Variants in HDAC9 observed in about 807,000 individuals in gnomAD.
HDAC9 encodes histone deacetylase 9, also known as MEF-2 interacting transcription repressor (MITR) protein.
HDAC9 carries 41 observed loss-of-function variants against 139.4 expected under a neutral mutation model. The ratio of observed to expected loss-of-function variants is 0.29; its 90% CI spans 0.23 to 0.38. The LOEUF (loss-of-function observed/expected upper bound fraction) is 0.38, where lower values mean the gene tolerates loss of function less well. Ranked by LOEUF, HDAC9 falls within the 10% of genes least tolerant of loss-of-function variation. The pLI, the probability that HDAC9 is intolerant of heterozygous loss-of-function variation, is 1.00. For synonymous variants in HDAC9, 517 were observed against 476.2 expected, an observed-to-expected ratio of 1.09 and a Z score of -1.12; for missense variants, 1,147 against 1,297.0, an observed-to-expected ratio of 0.88 and a Z score of 1.78.
chr7:18,354,432 C>T (rs1322255879), intron 1 of HDAC9, among the ~76,000 whole-genome samples: 5 of 152,210 alleles, frequency 3.3e-5, no homozygotes, highest in African/African-American at 7.2e-5. Flanking sequence ...CTCTGCTCTA[C>T]GGTGCTTGAA....
chr7:18,987,029 T>G (rs1010031019), intron 25 of HDAC9, among the ~76,000 whole-genome samples: 51 of 152,222 alleles, frequency 3.4e-4, no homozygotes, highest in African/African-American at 1.1e-3. Context: ...ACAATTTGAC[T>G]TCCTCTTTTC....
intron 6 of HDAC9, among the ~76,000 whole-genome samples, chr7:18,598,501 C>T (rs1267816362): frequency 6.6e-6 from 1 of 152,102 alleles, no homozygotes; most frequent in Non-Finnish European, 1.5e-5. Context: ...ATTAATTTAA[C>T]CTCTCTAGGC....
At chr7:18,919,252 A>C (rs1178700751) in intron 22 of HDAC9, among the ~76,000 whole-genome samples, 10 of 152,098 alleles carry the variant, frequency 6.6e-5, no homozygotes, top group African/African-American at 2.4e-4. Context: ...TATTTTTGGA[A>C]GGTTTTCTTC....
chr7:18,892,667 G>T (rs1317233914), intron 22 of HDAC9: 1 of 151,996 alleles, frequency 6.6e-6, no homozygotes, highest in African/African-American at 2.4e-5. Flanking sequence ...AGGTAAATTT[G>T]GTTCCTCGTG....
intron 12 of HDAC9, among the ~76,000 whole-genome samples, chr7:18,709,767 C>T (rs1170686796): frequency 6.6e-6 from 1 of 152,136 alleles, no homozygotes; most frequent in Non-Finnish European, 1.5e-5. Context: ...GTTGTCCTGG[C>T]CTCAAGCAAT....
chr7:18,312,105 A>G (rs937229468), intron 1 of HDAC9, among the ~76,000 whole-genome samples: 1 of 152,228 alleles, frequency 6.6e-6, no homozygotes, highest in Admixed American at 6.5e-5. Context: ...GCATACAGTT[A>G]GAGGTGCAGG....
intron 2 of HDAC9, among the ~76,000 whole-genome samples, chr7:18,233,197 G>T (rs1161174824): frequency 6.6e-6 from 1 of 152,036 alleles, no homozygotes; most frequent in Non-Finnish European, 1.5e-5. Context: ...GGCTTTTCCT[G>T]CAGTGAAACA....
At chr7:18,133,650 C>A (rs1264978995) in intron 1 of HDAC9, among the ~76,000 whole-genome samples, 2 of 152,014 alleles carry the variant, frequency 1.3e-5, no homozygotes, top group African/African-American at 4.8e-5. Flanking sequence ...ACTTAATGGG[C>A]TCGAGTTTTG....
At chr7:18,991,782 A>G (rs1563114612) in intron 25 of HDAC9, among the ~76,000 whole-genome samples, 1 of 152,258 alleles carries the variant, frequency 6.6e-6, no homozygotes, top group Non-Finnish European at 1.5e-5. Flanking sequence ...CTGATTAGTT[A>G]TCAAATAAAT....
At chr7:18,094,497 C>A (rs1239359662) in intron 1 of HDAC9, among the ~76,000 whole-genome samples, 1 of 149,018 alleles carries the variant, frequency 6.7e-6, no homozygotes, top group Admixed American at 6.7e-5. Context: ...CTGGTGTGAT[C>A]ACAGCTCAGT....
intron 22 of HDAC9, among the ~76,000 whole-genome samples, chr7:18,890,242 TG>T (rs1223351959): frequency 6.6e-6 from 1 of 152,262 alleles, no homozygotes; most frequent in Non-Finnish European, 1.5e-5. Flanking sequence ...ACATCTTTAA[TG>T]CCTGCATAGC....
intron 6 of HDAC9, among the ~76,000 whole-genome samples, chr7:18,596,339 C>G (rs1832490577): frequency 1.3e-5 from 2 of 152,162 alleles, no homozygotes; most frequent in Middle Eastern, 3.4e-3. Context: ...TATACTCTAT[C>G]TAAAATACTT....
At chr7:18,583,278 G>A (rs963313617) in intron 2 of HDAC9, among the ~76,000 whole-genome samples, 4 of 152,138 alleles carry the variant, frequency 2.6e-5, no homozygotes, top group South Asian at 2.1e-4. Context: ...TCCAAGTTAC[G>A]GATGAGGGAA....
Position 18,638,350 on chromosome 7 carries a change from G to A in HDAC9, c.912+3608G>A, listed in dbSNP as rs146295393. Among the ~76,000 whole-genome samples, 273 of 152,138 alleles carry A rather than the reference G, an allele frequency of 1.8e-3. 2 individuals are homozygous for A. Among genetic ancestry groups the A allele is most frequent in the African/African-American group, 6.2e-3 (257 of 41,530 alleles). On this transcript the variant is annotated intron_variant, in intron 8 of 25. Transcript: ENST00000686413. ...AAATTTTCTATCTTGTAATTCACAT[G>A]TCCTGCCTAATTTAGATAAAGGGAA...
intron 1 of HDAC9, among the ~76,000 whole-genome samples, chr7:18,323,216 C>G (rs1800163017): frequency 1.3e-5 from 2 of 152,102 alleles, no homozygotes; most frequent in Admixed American, 1.3e-4. Flanking sequence ...CACTGATTTC[C>G]AGTTCTTTCT....
chr7:18,738,099 T>C (rs2129139608), intron 13 of HDAC9, among the ~76,000 whole-genome samples: 1 of 152,318 alleles, frequency 6.6e-6, no homozygotes, highest in East Asian at 1.9e-4. Context: ...TTTTTTTGCT[T>C]TCCATTTGCT....
chr7:18,469,631 T>C (rs1159920957), intron 1 of HDAC9, among the ~76,000 whole-genome samples: 1 of 152,196 alleles, frequency 6.6e-6, no homozygotes, highest in African/African-American at 2.4e-5. Flanking sequence ...TAGGACCTCA[T>C]GCAAGAACAC....
chr7:18,380,446 C>T (rs1030899788), intron 1 of HDAC9, among the ~76,000 whole-genome samples: 1 of 152,122 alleles, frequency 6.6e-6, no homozygotes, highest in Admixed American at 6.6e-5. Context: ...TTAAGACTGG[C>T]AGAAAGAGAC....
chr7:18,607,666 C>G (rs1260629258), intron 6 of HDAC9, among the ~76,000 whole-genome samples: 1 of 152,138 alleles, frequency 6.6e-6, no homozygotes, highest in African/African-American at 2.4e-5. Context: ...AACCTTGTCA[C>G]TAATACATGA....
Sources: allele counts gnomAD v4.1 joint callset (sites outside exome capture counted in the v4.1 genomes callset), GRCh38; gene constraint gnomAD v4.1.1; transcripts MANE v1.5; gene names NCBI Gene and HGNC (gene_info 2026-07-23, HGNC 2026-07-21).